Variants in LUZP2 observed in about 807,000 individuals in gnomAD.
LUZP2 encodes the protein leucine zipper protein 2.
A neutral mutation model predicts 51.6 loss-of-function variants in LUZP2; 52 were observed. The ratio of observed to expected loss-of-function variants is 1.01; its 90% CI spans 0.81 to 1.27. The LOEUF is 1.27. LUZP2 is among the 50% of genes most tolerant of loss of function. LUZP2 has a pLI of 0.00. For missense variants in LUZP2, 436 were observed against 395.4 expected, an observed-to-expected ratio of 1.10 and a Z score of -0.87; for synonymous variants, 154 against 137.3, an observed-to-expected ratio of 1.12 and a Z score of -0.85.
chr11:24,521,877 G>A (rs1850653415), intron 1 of LUZP2, among the ~76,000 whole-genome samples: 1 of 152,126 alleles, frequency 6.6e-6, no homozygotes, highest in African/African-American at 2.4e-5. Flanking sequence ...AATGATGTTA[G>A]AAACGTTTCA....
At position 24,973,364 on chromosome 11, in the gene LUZP2, G is replaced by GTTTTTT. The variant is rs369095558; in HGVS notation, c.523-3216_523-3211dup. Among the ~76,000 whole-genome samples, 797 of 102,826 alleles carry GTTTTTT rather than the reference G, an allele frequency of 7.8e-3. 43 individuals are homozygous for GTTTTTT. The highest frequency in any genetic ancestry group is 0.051 in the East Asian group (129 of 2,542). 67.5% of individuals were successfully genotyped at this position (102,826 alleles called of 152,430 possible). Reference sequence around the variant, plus strand: ...TAGCTAGTATTCTATATATTTATTAGTTTTTTTTTTTTTTTTCAAAAAAAC... The same window carrying GTTTTTT: ...TAGCTAGTATTCTATATATTTATTAGTTTTTTTTTTTTTTTTTTTTTTCAAAAAAAC... On this transcript the variant is annotated intron_variant, in intron 7 of 11. Coordinates refer to ENST00000336930, the MANE Select transcript of LUZP2 (RefSeq NM_001009909.4).
At chr11:24,831,241 G>A (rs1046147037) in intron 5 of LUZP2, among the ~76,000 whole-genome samples, 1 of 152,194 alleles carries the variant, frequency 6.6e-6, no homozygotes, top group African/African-American at 2.4e-5. Flanking sequence ...TTCCATTGGA[G>A]CACAATGTCT....
At chr11:24,704,345 AT>A (rs1290417924) in intron 1 of LUZP2, among the ~76,000 whole-genome samples, 2 of 151,938 alleles carry the variant, frequency 1.3e-5, no homozygotes, top group Non-Finnish European at 2.9e-5. Flanking sequence ...AATTAAAAAT[AT>A]TTCTTTCCTT....
At chr11:24,956,646 G>C (rs1193305034) in intron 7 of LUZP2, among the ~76,000 whole-genome samples, 3 of 152,056 alleles carry the variant, frequency 2.0e-5, no homozygotes, top group Non-Finnish European at 2.9e-5. Flanking sequence ...TGAGTCATAG[G>C]TGTAACAGGA....
intron 4 of LUZP2, among the ~76,000 whole-genome samples, chr11:24,754,456 C>A (rs2134015224): frequency 6.6e-6 from 1 of 152,252 alleles, no homozygotes; most frequent in African/African-American, 2.4e-5. Flanking sequence ...GTTGAGACAA[C>A]AAATTTGATA....
At chr11:24,629,845 C>T (rs2133923734) in intron 1 of LUZP2, among the ~76,000 whole-genome samples, 1 of 151,990 alleles carries the variant, frequency 6.6e-6, no homozygotes, top group East Asian at 1.9e-4. Flanking sequence ...TTCACATCCT[C>T]ACTAACGTCT....
chr11:24,561,445 A>G (rs1354023489), intron 1 of LUZP2, among the ~76,000 whole-genome samples: 1 of 152,130 alleles, frequency 6.6e-6, no homozygotes, highest in African/African-American at 2.4e-5. Flanking sequence ...GCATCTCAGT[A>G]CAAGAACTAG....
At chr11:24,854,287 G>A (rs1170258241) in intron 5 of LUZP2, among the ~76,000 whole-genome samples, 1 of 152,220 alleles carries the variant, frequency 6.6e-6, no homozygotes, top group East Asian at 1.9e-4. Context: ...ACCTGACTGA[G>A]GCTGCTGCCT....
At chr11:24,678,934 G>T (rs1012451201) in intron 1 of LUZP2, among the ~76,000 whole-genome samples, 3 of 152,178 alleles carry the variant, frequency 2.0e-5, no homozygotes, top group South Asian at 2.1e-4. Context: ...AGCCTGCACC[G>T]CAAGAGAACA....
At chr11:25,002,558 G>A (rs1291677986) in intron 9 of LUZP2, among the ~76,000 whole-genome samples, 1 of 152,170 alleles carries the variant, frequency 6.6e-6, no homozygotes, top group East Asian at 1.9e-4. Flanking sequence ...AGTCCAGACA[G>A]TGAGATCCTT....
intron 9 of LUZP2, among the ~76,000 whole-genome samples, chr11:25,045,873 C>A (rs1034154075): frequency 1.3e-5 from 2 of 152,112 alleles, no homozygotes; most frequent in African/African-American, 4.8e-5. Context: ...AAATACTGAT[C>A]TTTACCAATT....
At chr11:24,998,672 G>C (rs919842900) in intron 9 of LUZP2, among the ~76,000 whole-genome samples, 9 of 152,146 alleles carry the variant, frequency 5.9e-5, no homozygotes, top group Non-Finnish European at 1.2e-4. Context: ...AGAGTTAGTA[G>C]TTCAGCTTTT....
chr11:24,519,998 ATTTCT>A (rs775700225), intron 1 of LUZP2, among the ~76,000 whole-genome samples: 14 of 152,142 alleles, frequency 9.2e-5, no homozygotes, highest in Non-Finnish European at 1.6e-4. Context: ...TCATAATCTG[ATTTCT>A]TTTATTTCAT....
intron 1 of LUZP2, among the ~76,000 whole-genome samples, chr11:24,572,862 G>A (rs1852488353): frequency 6.6e-6 from 1 of 151,906 alleles, no homozygotes; most frequent in African/African-American, 2.4e-5. Flanking sequence ...TTATTTTTCT[G>A]AGTAAAGAAG....
At chr11:24,688,981 G>A (rs994786151) in intron 1 of LUZP2, among the ~76,000 whole-genome samples, 12 of 152,080 alleles carry the variant, frequency 7.9e-5, no homozygotes, top group African/African-American at 1.4e-4. Context: ...GAATCTGTAC[G>A]AGTCTGTAGC....
At chr11:25,026,852 T>A (rs374830107) in intron 9 of LUZP2, among the ~76,000 whole-genome samples, 1 of 147,960 alleles carries the variant, frequency 6.8e-6, no homozygotes, top group Non-Finnish European at 1.5e-5. Flanking sequence ...CCTTTTTATT[T>A]TTTTTATTTT....
intron 5 of LUZP2, among the ~76,000 whole-genome samples, chr11:24,778,242 A>C (rs2134068399): frequency 6.6e-6 from 1 of 152,090 alleles, no homozygotes; most frequent in South Asian, 2.1e-4. Context: ...CTCTGCAAAA[A>C]ATAAAAAAAT....
At chr11:24,859,338 T>C (rs1293478189) in intron 5 of LUZP2, among the ~76,000 whole-genome samples, 1 of 152,148 alleles carries the variant, frequency 6.6e-6, no homozygotes, top group East Asian at 1.9e-4. Flanking sequence ...AAATTTGTCA[T>C]TCATCCTACA....
chr11:24,531,890 A>G lies in LUZP2; in HGVS notation c.62+34585A>G, dbSNP rs1233306350. On this transcript the variant is annotated intron_variant, in intron 1 of 11. Transcript: ENST00000336930. ...TTGCCTCATCATCACCCTTATATTT[A>G]ATCCGTAAGTAAATCTCTTTAACCT... 4.6e-5 allele frequency among the ~76,000 whole-genome samples: 7 copies of G among 150,880 alleles called. No individual in the cohort carries two copies. The East Asian group carries it at 1.4e-3, about 29-fold the overall frequency.
Sources: allele counts gnomAD v4.1 joint callset (sites outside exome capture counted in the v4.1 genomes callset), GRCh38; gene constraint gnomAD v4.1.1; transcripts MANE v1.5; gene names NCBI Gene and HGNC (gene_info 2026-07-23, HGNC 2026-07-21).